WWP2: variants seen among roughly 807,000 people sequenced by gnomAD.
WWP2 encodes WW domain containing E3 ubiquitin protein ligase 2.
Under a neutral mutation model 121.0 loss-of-function variants are expected in WWP2, and 57 were observed. The ratio of observed to expected loss-of-function variants is 0.47; its 90% CI spans 0.38 to 0.59. WWP2 has a LOEUF of 0.59. Among genes scored for constraint, WWP2 ranks in the 20% least tolerant of loss-of-function variants. The pLI is 0.00. For missense variants in WWP2, 962 were observed against 1,158.9 expected (o/e 0.83, Z 2.47); for synonymous variants, 449 against 441.3 (o/e 1.02, Z -0.22).
intron 4 of WWP2, among the ~76,000 whole-genome samples, chr16:69,831,525 A>G (rs2056793597): frequency 6.6e-6 from 1 of 152,158 alleles, no homozygotes; most frequent in Non-Finnish European, 1.5e-5. Flanking sequence ...TACCACATGC[A>G]AACAACATAT....
chr16:69,906,981 A>G (rs914574340), intron 8 of WWP2, among the ~76,000 whole-genome samples: 4 of 152,242 alleles, frequency 2.6e-5, no homozygotes, highest in African/African-American at 7.2e-5. Context: ...TCAATGACAC[A>G]TTAAAAAGGA....
intron 4 of WWP2, among the ~76,000 whole-genome samples, chr16:69,816,034 G>C (rs2056483261): frequency 1.3e-5 from 2 of 152,016 alleles, no homozygotes. Flanking sequence ...GGCAGCAAGG[G>C]ACAAAAGTAA....
chr16:69,914,909 T>A (rs953440071), intron 9 of WWP2, among the ~76,000 whole-genome samples: 3 of 152,212 alleles, frequency 2.0e-5, no homozygotes, highest in African/African-American at 7.2e-5. Context: ...TACTCCATGA[T>A]TTATCGCACC....
chr16:69,800,567 T>C lies in WWP2; in HGVS notation c.340+1272T>C, dbSNP rs188545339. Among the ~76,000 whole-genome samples the C allele has an allele frequency of 2.5e-5, 3 of 121,058 alleles. No individual in the cohort carries two copies. In the East Asian group the frequency reaches 7.5e-4, roughly 30 times the overall value. The allele number at this position is 121,058 out of a possible 152,430, so 79.4% of individuals were successfully genotyped here. Reference sequence around the variant, plus strand: ...GCACCTAGTAATAGTTATTGTTTTTTCTTTTTTTTTTTTTTGAGATGGAGT... The same window carrying C: ...GCACCTAGTAATAGTTATTGTTTTTCCTTTTTTTTTTTTTTGAGATGGAGT... On this transcript the variant is annotated intron_variant, in intron 4 of 23. Coordinates refer to ENST00000359154, the MANE Select transcript of WWP2 (RefSeq NM_001270454.2).
chr16:69,798,980 C>T, intron 3 of WWP2, 151 bp downstream of exon 3: 1 of 1,343,528 alleles, frequency 7.4e-7, no homozygotes, highest in Non-Finnish European at 1.0e-6. Flanking sequence ...TGTTCCTACA[C>T]CATTGAGCTC....
At chr16:69,933,422 G>T (rs1434814688) in intron 16 of WWP2, among the ~76,000 whole-genome samples, 1 of 152,182 alleles carries the variant, frequency 6.6e-6, no homozygotes, top group African/African-American at 2.4e-5. Context: ...TGCATAGCTG[G>T]TGGGCATGAG....
intron 8 of WWP2, among the ~76,000 whole-genome samples, chr16:69,903,213 G>A (rs1250905311): frequency 1.3e-5 from 2 of 152,160 alleles, no homozygotes; most frequent in Admixed American, 1.3e-4. Flanking sequence ...ATCTGGGCCT[G>A]TGTCCTCTGA....
At chr16:69,931,250 C>T (rs773903470) in intron 14 of WWP2, 23 bp downstream of exon 14, 1 of 1,613,432 alleles carries the variant, frequency 6.2e-7, no homozygotes, top group African/African-American at 1.3e-5. Flanking sequence ...ACTGGGGCTC[C>T]CGTGGCAGTT....
chr16:69,902,889 TG>T (rs1477171333), intron 8 of WWP2, among the ~76,000 whole-genome samples: 1 of 151,990 alleles, frequency 6.6e-6, no homozygotes, highest in Non-Finnish European at 1.5e-5. Flanking sequence ...GGGAGAGATT[TG>T]TGTGAATTAT....
intron 6 of WWP2, among the ~76,000 whole-genome samples, chr16:69,842,415 A>T (rs2056996808): frequency 6.6e-6 from 1 of 152,102 alleles, no homozygotes; most frequent in African/African-American, 2.4e-5. Context: ...TTGGGCTTCT[A>T]ATGATCCTAT....
intron 8 of WWP2, among the ~76,000 whole-genome samples, chr16:69,894,347 C>T (rs2151945337): frequency 6.6e-6 from 1 of 151,914 alleles, no homozygotes; most frequent in South Asian, 2.1e-4. Flanking sequence ...TCCCAAAGTG[C>T]TGGGATTCCA....
At chr16:69,840,301 A>AG in intron 5 of WWP2, 38 bp downstream of exon 5, 1 of 1,287,092 alleles carries the variant, frequency 7.8e-7, no homozygotes, top group South Asian at 1.2e-5. Flanking sequence ...GTGCCGGGAC[A>AG]GGGTGGGGCT....
At chr16:69,777,364 G>T (rs1372320560) in intron 1 of WWP2, among the ~76,000 whole-genome samples, 1 of 151,472 alleles carries the variant, frequency 6.6e-6, no homozygotes, top group African/African-American at 2.4e-5. Context: ...GCAGTGGTGC[G>T]GTCTTGGCTT....
At chr16:69,779,700 A>G (rs186283378) in intron 1 of WWP2, among the ~76,000 whole-genome samples, 8 of 152,364 alleles carry the variant, frequency 5.3e-5, no homozygotes, top group South Asian at 2.1e-4. Context: ...TTGCCTTAGG[A>G]AAGAAAGAGT....
rs746911936 is a variant in WWP2, at chr16:69,936,319, A to C, written c.1984A>C (p.Asn662His). 1.2e-6 allele frequency: 2 copies of C among 1,614,070 alleles called. No homozygotes were observed. The highest frequency in any genetic ancestry group is 2.2e-5 in the South Asian group (2 of 91,070). The stretch of plus-strand genomic sequence containing the variant: ...GGTCTCCTGTGCCCCCAGAGAGAAC[A>C]ACCTGGAAGAATGTGGCCTGGAGCT... ...YNSIVWIKEN[N>H]LEECGLELYF... Residue 662 changes from asparagine to histidine, a missense_variant, in exon 19 of 24, where the codon AAC (asparagine) becomes CAC (histidine). Physicochemically the swap from Asn to His is moderately conservative, Grantham distance 68 (BLOSUM62 1). This residue lies in a region of WWP2 where 606 missense variants were observed against 772.6 expected (regional missense o/e 0.78). Coordinates refer to ENST00000359154, the MANE Select transcript of WWP2 (RefSeq NM_001270454.2).
At chr16:69,915,397 C>G (rs942456111) in intron 9 of WWP2, among the ~76,000 whole-genome samples, 1 of 152,026 alleles carries the variant, frequency 6.6e-6, no homozygotes, top group Non-Finnish European at 1.5e-5. Flanking sequence ...AGTCCATAAG[C>G]GATAGCAAAT....
At chr16:69,938,252 A>G (rs1252639060) in intron 21 of WWP2, among the ~76,000 whole-genome samples, 3 of 151,918 alleles carry the variant, frequency 2.0e-5, no homozygotes, top group African/African-American at 7.3e-5. Context: ...GGGCTCAAGC[A>G]GTCCTTCCAT....
In WWP2 at chr16:69,888,171, C is replaced by G. The variant is rs777023336; in HGVS notation, c.836C>G (p.Ala279Gly). 11 of 1,614,254 alleles carry G rather than the reference C, an allele frequency of 6.8e-6. No individual in the cohort carries two copies. Among genetic ancestry groups the G allele is most frequent in the Admixed American group, 5.0e-5 (3 of 60,028 alleles). ...TCTCTCCCTGCCCCAGCCACACCGG[C>G]TGAAGGAGAGGAACCCAGCACTTCG... The part of the protein sequence containing the change: ...TTSLPAPATP[A>G]EGEEPSTSGT... The change falls in exon 8 of 24, where the codon GCT becomes GGT. Residue 279 changes from alanine (A) to glycine (G), a missense_variant. Physicochemically the swap from Ala to Gly is moderately conservative, Grantham distance 60. Coordinates refer to ENST00000359154, the MANE Select transcript of WWP2 (RefSeq NM_001270454.2).
chr16:69,933,256 C>G, intron 16 of WWP2: 1 of 402,952 alleles, frequency 2.5e-6, no homozygotes, highest in Non-Finnish European at 5.2e-6. Flanking sequence ...TTGGGACATC[C>G]CCTTGCTGGT....
Sources: allele counts gnomAD v4.1 joint callset (sites outside exome capture counted in the v4.1 genomes callset), GRCh38; gene constraint gnomAD v4.1.1; regional missense constraint gnomAD v4.1.1; transcripts MANE v1.5; gene names NCBI Gene and HGNC (gene_info 2026-07-23, HGNC 2026-07-21).